The following CACNA1A variants were observed in gnomAD, a reference collection of about 807,000 sequenced individuals.
CACNA1A encodes the protein calcium voltage-gated channel subunit alpha1 A, also known as voltage-dependent P/Q-type calcium channel subunit alpha-1A.
In CACNA1A, 57 loss-of-function variants were observed where a neutral mutation model predicts 262.4. The ratio of observed to expected loss-of-function variants is 0.22; its 90% CI spans 0.18 to 0.27. CACNA1A has a LOEUF of 0.27. Among genes scored for constraint, CACNA1A ranks in the 10% least tolerant of loss-of-function variants. The pLI is 1.00. For missense variants in CACNA1A, 2,526 were observed against 3,562.8 expected, an observed-to-expected ratio of 0.71 and a Z score of 7.41; for synonymous variants, 1,431 against 1,419.3, an observed-to-expected ratio of 1.01 and a Z score of -0.18.
intron 1 of CACNA1A, among the ~76,000 whole-genome samples, chr19:13,455,753 C>A (rs1599295423): frequency 6.6e-6 from 1 of 151,620 alleles, no homozygotes; most frequent in African/African-American, 2.4e-5. Context: ...ACCTGTGGTC[C>A]CAGGTACTTG....
intron 43 of CACNA1A, chr19:13,210,948 C>T (rs2054790555): frequency 2.2e-5 from 11 of 505,364 alleles, no homozygotes; most frequent in Middle Eastern, 5.4e-4. Context: ...AAAGACAGGA[C>T]GGCGCAGCCT....
rs1031600828 is a variant in CACNA1A at position 13,241,986 on chromosome 19, G to C, written c.4950+3196C>G. On this transcript the variant is annotated intron_variant, in intron 31 of 46. Transcript: ENST00000360228. This position sits in a 1 kb window ranked among gnomAD's most constrained non-coding sequence, Gnocchi z 4.0. Reference sequence around the variant, plus strand: ...CAAGCATCTGGCATTTCCTGTCTCAGCCTGGCCAAGCCCTGGCCTCAGAAC... The same window carrying C: ...CAAGCATCTGGCATTTCCTGTCTCACCCTGGCCAAGCCCTGGCCTCAGAAC... Among the ~76,000 whole-genome samples the C allele has an allele frequency of 6.6e-6, 1 of 152,100 alleles. No individual in the cohort carries two copies. The highest frequency in any genetic ancestry group is 1.5e-5 in the Non-Finnish European group (1 of 68,016).
At chr19:13,320,236 TCGAG>T (rs1194193858) in intron 10 of CACNA1A, among the ~76,000 whole-genome samples, 140 of 73,538 alleles carry the variant, frequency 1.9e-3, no homozygotes, top group South Asian at 6.6e-3. Context: ...GTTCCACAGA[TCGAG>T]AGAGAGAGAG....
intron 3 of CACNA1A, among the ~76,000 whole-genome samples, chr19:13,428,875 T>C (rs1466204080): frequency 6.6e-6 from 1 of 151,930 alleles, no homozygotes; most frequent in Non-Finnish European, 1.5e-5. Flanking sequence ...ATAGAAGCAG[T>C]TCAATGCCTC....
intron 1 of CACNA1A, among the ~76,000 whole-genome samples, chr19:13,487,515 C>T (rs948055952): frequency 7.2e-5 from 11 of 152,026 alleles, no homozygotes; most frequent in Admixed American, 4.6e-4. Flanking sequence ...AGGGAGTGAG[C>T]GCTCAGTGAG....
intron 6 of CACNA1A, among the ~76,000 whole-genome samples, chr19:13,340,148 G>A (rs1454234243): frequency 3.9e-5 from 4 of 101,786 alleles, no homozygotes; most frequent in African/African-American, 1.7e-4. Flanking sequence ...GGATGGGGGA[G>A]AGGGACAGGA....
At chr19:13,429,167 T>TACACACACACAC (rs56218610) in intron 3 of CACNA1A, among the ~76,000 whole-genome samples, 4 of 141,248 alleles carry the variant, frequency 2.8e-5, no homozygotes, top group East Asian at 2.2e-4. Context: ...TCACTGTGCG[T>TACACACACACAC]ACACACACAC....
chr19:13,232,819 CG>C (rs1422532432), intron 34 of CACNA1A, among the ~76,000 whole-genome samples: 2 of 150,674 alleles, frequency 1.3e-5, no homozygotes, highest in African/African-American at 2.4e-5. Context: ...GTGGCTGAGG[CG>C]GGTGGATCAC....
chr19:13,374,791 CTG>C (rs1480259593), intron 3 of CACNA1A, among the ~76,000 whole-genome samples: 1 of 152,176 alleles, frequency 6.6e-6, no homozygotes, highest in Non-Finnish European at 1.5e-5. Flanking sequence ...GGCCCTATCT[CTG>C]TGTGGGGGAG....
chr19:13,300,498 AGTGTGGAC>A, intron 18 of CACNA1A, 44 bp downstream of exon 18: 1 of 1,247,334 alleles, frequency 8.0e-7, no homozygotes, highest in East Asian at 2.3e-5. Flanking sequence ...TGCCTGGGAT[AGTGTGGAC>A]GTTCAGGAGC....
chr19:13,346,057 C>T (rs1029889552), intron 6 of CACNA1A, among the ~76,000 whole-genome samples: 5 of 152,044 alleles, frequency 3.3e-5, no homozygotes, highest in East Asian at 1.9e-4. Context: ...TGCATGACCA[C>T]GCCTGGCTAA....
intron 3 of CACNA1A, among the ~76,000 whole-genome samples, chr19:13,429,400 G>C (rs905673423): frequency 6.6e-6 from 1 of 151,858 alleles, no homozygotes; most frequent in Non-Finnish European, 1.5e-5. Flanking sequence ...AGATCTTGGA[G>C]GGGGTGGGAG....
chr19:13,307,746 G>C (rs377094454), intron 15 of CACNA1A, 36 bp downstream of exon 15: 90 of 1,568,894 alleles, frequency 5.7e-5, no homozygotes, highest in Middle Eastern at 3.3e-4. Flanking sequence ...GTGACACTGA[G>C]AGGTGTTGGC....
intron 24 of CACNA1A, chr19:13,263,053 C>T (rs1246540602): frequency 1.8e-6 from 1 of 550,542 alleles, no homozygotes; most frequent in Non-Finnish European, 3.3e-6. Flanking sequence ...GGTTCTGGTC[C>T]CAGGGTTGGT....
intron 15 of CACNA1A, among the ~76,000 whole-genome samples, chr19:13,306,826 G>A (rs2057913959): frequency 6.6e-6 from 1 of 152,126 alleles, no homozygotes; most frequent in Admixed American, 6.6e-5. Flanking sequence ...TGTTTACTCT[G>A]CCTCACCCAT....
intron 24 of CACNA1A, among the ~76,000 whole-genome samples, chr19:13,264,219 A>T (rs1460645642): frequency 6.6e-6 from 1 of 151,928 alleles, no homozygotes; most frequent in Non-Finnish European, 1.5e-5. Context: ...GGTTCATGGC[A>T]CTCATGACCC....
At chr19:13,302,807 T>C (rs1338153603) in intron 17 of CACNA1A, among the ~76,000 whole-genome samples, 1 of 152,102 alleles carries the variant, frequency 6.6e-6, no homozygotes, top group Non-Finnish European at 1.5e-5. Flanking sequence ...AAACTCTCTC[T>C]CCCTCCTGCC....
chr19:13,266,278 C>G (rs1219913444), intron 24 of CACNA1A, among the ~76,000 whole-genome samples: 1 of 151,936 alleles, frequency 6.6e-6, no homozygotes, highest in Admixed American at 6.6e-5. Flanking sequence ...ACGATCATAG[C>G]TCACCGCAGC....
At chr19:13,505,564 C>A (rs1199831499) in intron 1 of CACNA1A, among the ~76,000 whole-genome samples, 5 of 152,158 alleles carry the variant, frequency 3.3e-5, no homozygotes, top group African/African-American at 1.2e-4. Context: ...CAGGCCCGAG[C>A]CCGCTCCAAG....
Sources: gnomAD v4.1 joint callset for allele counts (sites outside exome capture counted in the v4.1 genomes callset) on GRCh38, gnomAD v4.1.1 for gene constraint, Gnocchi (gnomAD v3.1) non-coding constraint, MANE v1.5 for transcripts, NCBI Gene and HGNC (gene_info 2026-07-23, HGNC 2026-07-21) for gene names.